The following CD40 variants were observed in gnomAD, a reference collection of about 807,000 sequenced individuals.
CD40 encodes tumor necrosis factor receptor superfamily member 5.
Under a neutral mutation model 38.5 loss-of-function variants are expected in CD40, and 19 were observed. The ratio of observed to expected loss-of-function variants is 0.49; its 90% CI spans 0.34 to 0.72. CD40 has a LOEUF of 0.72. Ranked by LOEUF, CD40 falls within the 30% of genes least tolerant of loss-of-function variation. CD40 has a pLI of 0.01. For synonymous variants in CD40, 130 were observed against 128.7 expected, an observed-to-expected ratio of 1.01 and a Z score of -0.07; for missense variants, 256 against 344.1, an observed-to-expected ratio of 0.74 and a Z score of 2.03.
chr20:46,127,639 C>A (rs868667715), intron 6 of CD40, among the ~76,000 whole-genome samples: 2 of 152,288 alleles, frequency 1.3e-5, no homozygotes, highest in African/African-American at 2.4e-5. Context: ...TTTGGTCTTT[C>A]TTTTATTTTC....
At chr20:46,120,457 A>G (rs1286439715) in intron 1 of CD40, among the ~76,000 whole-genome samples, 1 of 152,258 alleles carries the variant, frequency 6.6e-6, no homozygotes, top group Non-Finnish European at 1.5e-5. Context: ...AAACTGTGGG[A>G]CAGTTTTAAG....
At chr20:46,124,738 C>T (rs2085388972) in intron 5 of CD40, among the ~76,000 whole-genome samples, 1 of 141,008 alleles carries the variant, frequency 7.1e-6, no homozygotes, top group African/African-American at 2.6e-5. Context: ...TAACTGGAGG[C>T]ACCACTGGTA....
In CD40 at chr20:46,122,010, C is replaced by T. The variant is rs944045387; in HGVS notation, c.130+112C>T. ...AATCTGAAACGACCCATTTCCCAGCCCTGCTTCACTGTCAGAATGTTCTGG... is the reference window on the plus strand; with the variant it reads ...AATCTGAAACGACCCATTTCCCAGCTCTGCTTCACTGTCAGAATGTTCTGG... On this transcript the variant is annotated intron_variant, in intron 2 of 8. Coordinates refer to ENST00000372285, the MANE Select transcript of CD40 (RefSeq NM_001250.6). The surrounding 1 kb of genome is among the most constrained non-coding windows in gnomAD (Gnocchi z 5.0). 4 of 1,072,178 alleles carry T rather than the reference C, an allele frequency of 3.7e-6. No homozygotes were observed. Among genetic ancestry groups the T allele is most frequent in the Non-Finnish European group, 5.7e-6 (4 of 699,858 alleles). The allele number at this position is 1,072,178 out of a possible 1,614,324, so 66.4% of individuals were successfully genotyped here. A position where few individuals can be genotyped will look rare whatever the true frequency, so the allele number is the denominator to read the frequency against.
chr20:46,128,828 C>T (rs909462627), intron 8 of CD40, 54 bp from the exon 9 acceptor site: 10 of 1,595,308 alleles, frequency 6.3e-6, no homozygotes, highest in Non-Finnish European at 7.7e-6. Flanking sequence ...AGGGGCTCCT[C>T]AGAGGCACAG....
At position 46,122,444 on chromosome 20, in the gene CD40, T is replaced by C. The variant is rs1182133417; in HGVS notation, c.256+86T>C. Reference sequence around the variant, plus strand: ...CCATTCTAATTTTATGTAGCCAGGGTCTGCTCTGATTGGTTGGAGTCCGGG... The same window carrying C: ...CCATTCTAATTTTATGTAGCCAGGGCCTGCTCTGATTGGTTGGAGTCCGGG... On this transcript the variant is annotated intron_variant, in intron 3 of 8. Transcript: ENST00000372285. The surrounding 1 kb of genome is among the most constrained non-coding windows in gnomAD (Gnocchi z 5.0). The C allele has an allele frequency of 7.5e-6, 12 of 1,596,556 alleles. No individual in the cohort carries two copies. The highest frequency in any genetic ancestry group is 9.4e-6 in the Non-Finnish European group (11 of 1,166,062).
intron 8 of CD40, 188 bp downstream of exon 8, chr20:46,128,546 G>A: frequency 1.4e-6 from 1 of 739,292 alleles, no homozygotes. Context: ...CCACAGAACT[G>A]CCCCTGGCAC....
At chr20:46,128,829 A>G (rs1404951101) in intron 8 of CD40, 53 bp from the exon 9 acceptor site, 14 of 1,596,414 alleles carry the variant, frequency 8.8e-6, no homozygotes, top group Non-Finnish European at 1.2e-5. Context: ...GGGGCTCCTC[A>G]GAGGCACAGC....
chr20:46,119,462 G>A (rs1244703415), intron 1 of CD40, among the ~76,000 whole-genome samples: 1 of 152,166 alleles, frequency 6.6e-6, no homozygotes. Context: ...GGGGAGGGCG[G>A]AGCTGGAAAG....
chr20:46,121,141 T>G (rs1327113763), intron 1 of CD40, among the ~76,000 whole-genome samples: 1 of 152,112 alleles, frequency 6.6e-6, no homozygotes, highest in Non-Finnish European at 1.5e-5. Context: ...AGTAAAATGG[T>G]GAAGATGAAA....
chr20:46,118,945 C>T (rs544517565), intron 1 of CD40, among the ~76,000 whole-genome samples: 4 of 152,316 alleles, frequency 2.6e-5, no homozygotes, highest in African/African-American at 7.2e-5. Flanking sequence ...CTTGGGTGTT[C>T]CAACCTAGGA....
rs777019036 is a variant in CD40 at position 46,126,659 on chromosome 20, G to T, written c.517G>T (p.Val173Phe). ...GCATAGCTGTGAGACCAAAGACCTG[G>T]TTGTGCAACAGGCAGGCACAAACAA... The part of the protein sequence containing the change: ...PWTSCETKDL[V>F]VQQAGTNKTD... Residue 173 changes from valine (V) to phenylalanine (F), a missense_variant, in exon 6 of 9, where the codon GTT (valine) becomes TTT (phenylalanine). Coordinates refer to ENST00000372285, the MANE Select transcript of CD40 (RefSeq NM_001250.6). 2 of 1,614,084 alleles carry T rather than the reference G, an allele frequency of 1.2e-6. No homozygotes were observed. The highest frequency in any genetic ancestry group is 1.7e-6 in the Non-Finnish European group (2 of 1,179,962).
At chr20:46,121,749 T>G (rs2085321516) in intron 1 of CD40, 71 bp from the exon 2 acceptor site, 1 of 1,204,854 alleles carries the variant, frequency 8.3e-7, no homozygotes, top group African/African-American at 1.5e-5. Context: ...CTGGATGACT[T>G]TTACCTTTCT....
intron 6 of CD40, chr20:46,127,835 C>T: frequency 2.2e-6 from 1 of 459,900 alleles, no homozygotes; most frequent in Non-Finnish European, 4.0e-6. Flanking sequence ...AGATGGTTCC[C>T]AGGTGGGGAG....
intron 6 of CD40, 171 bp downstream of exon 6, chr20:46,126,872 T>A (rs1262429503): frequency 2.8e-6 from 3 of 1,063,400 alleles, no homozygotes; most frequent in Non-Finnish European, 4.2e-6. Context: ...ACTTCCCCTC[T>A]CTTAGCCTCA....
Position 46,122,272 on chromosome 20 carries a change from C to T in CD40, c.170C>T (p.Thr57Met). The change falls in exon 3 of 9, where the codon ACG (threonine) becomes ATG (methionine). Residue 57 changes from threonine to methionine, a missense_variant. Transcript: ENST00000372285. This position sits in a 1 kb window ranked among gnomAD's most constrained non-coding sequence, Gnocchi z 5.0. ...LVSDCTEFTE[T>M]ECLPCGESEF... ...AGTGACTGCACAGAGTTCACTGAAACGGAATGCCTTCCTTGCGGTGAAAGC... is the reference window on the plus strand; with the variant it reads ...AGTGACTGCACAGAGTTCACTGAAATGGAATGCCTTCCTTGCGGTGAAAGC... 1 of 1,614,124 alleles carries T rather than the reference C, an allele frequency of 6.2e-7. No individual in the cohort carries two copies. Among genetic ancestry groups the T allele is most frequent in the Non-Finnish European group, 8.5e-7 (1 of 1,179,988 alleles).
At chr20:46,121,623 T>A (rs2085319061) in intron 1 of CD40, 197 bp from the exon 2 acceptor site, 3 of 644,512 alleles carry the variant, frequency 4.7e-6, no homozygotes, top group Non-Finnish European at 5.7e-6. Context: ...CCAGAATGAT[T>A]CTCTGGGTGC....
At chr20:46,126,593 T>G (rs1452737955) in intron 5 of CD40, 47 bp from the exon 6 acceptor site, 1 of 1,612,680 alleles carries the variant, frequency 6.2e-7, no homozygotes, top group East Asian at 2.2e-5. Flanking sequence ...ACTTAATATC[T>G]CTTTCTTTCT....
chr20:46,125,014 G>C (rs2085403958), intron 5 of CD40, among the ~76,000 whole-genome samples: 1 of 151,488 alleles, frequency 6.6e-6, no homozygotes, highest in Non-Finnish European at 1.5e-5. Context: ...TGATCCGTCT[G>C]CCTTGGCCTC....
chr20:46,129,035 CAGTG>C lies in CD40; in HGVS notation c.832_*1del. The C allele has an allele frequency of 1.2e-6, 2 of 1,614,116 alleles. No individual in the cohort carries two copies. Among genetic ancestry groups the C allele is most frequent in the Non-Finnish European group, 8.5e-7 (1 of 1,180,030 alleles). On this transcript the variant is annotated frameshift_variant and stop_lost, in exon 9 of 9. Transcript: ENST00000372285. LOFTEE classifies it high-confidence loss of function. ...GAGTCGCATCTCAGTGCAGGAGAGA[CAGTG>C]AGGCTGCACCCACCCAGGAGTGTGG...
Sources: allele counts gnomAD v4.1 joint callset (sites outside exome capture counted in the v4.1 genomes callset), GRCh38; gene constraint gnomAD v4.1.1; non-coding constraint Gnocchi (gnomAD v3.1); transcripts MANE v1.5; gene names NCBI Gene and HGNC (gene_info 2026-07-23, HGNC 2026-07-21).